NYAP2: variants seen among roughly 807,000 people sequenced by gnomAD.
NYAP2 encodes the protein neuronal tyrosine-phosphorylated phosphoinositide-3-kinase adaptor 2.
Under a neutral mutation model 50.4 loss-of-function variants are expected in NYAP2, and 23 were observed. That is an observed-to-expected ratio of 0.46 (90% CI 0.33 to 0.65). The LOEUF (loss-of-function observed/expected upper bound fraction) is 0.65. Ranked by LOEUF, NYAP2 falls within the 30% of genes least tolerant of loss-of-function variation. The pLI is 0.02. For missense variants in NYAP2, 885 were observed against 861.0 expected, an observed-to-expected ratio of 1.03 and a Z score of -0.35; for synonymous variants, 394 against 365.2, an observed-to-expected ratio of 1.08 and a Z score of -0.90.
intron 5 of NYAP2, among the ~76,000 whole-genome samples, chr2:225,613,625 C>T (rs1559230091): frequency 6.6e-6 from 1 of 152,160 alleles, no homozygotes; most frequent in African/African-American, 2.4e-5. Context: ...CCACTTAATA[C>T]GTGGTAGCTC....
intron 3 of NYAP2, among the ~76,000 whole-genome samples, chr2:225,500,842 T>C (rs1252310217): frequency 6.6e-6 from 1 of 152,184 alleles, no homozygotes; most frequent in African/African-American, 2.4e-5. Context: ...GGTATGAAAT[T>C]TCATGCCAGA....
chr2:225,512,715 TTTTC>T (rs60128229), intron 3 of NYAP2, among the ~76,000 whole-genome samples: 11 of 147,448 alleles, frequency 7.5e-5, no homozygotes, highest in East Asian at 1.9e-4. Context: ...TTCTTTTTTC[TTTTC>T]TTTCTTTCTC....
intron 4 of NYAP2, among the ~76,000 whole-genome samples, chr2:225,539,080 G>T (rs1488244277): frequency 6.6e-6 from 1 of 151,982 alleles, no homozygotes; most frequent in South Asian, 2.1e-4. Context: ...CCACTTATGA[G>T]TGAGAACATG....
At chr2:225,508,503 T>C (rs1690750659) in intron 3 of NYAP2, among the ~76,000 whole-genome samples, 1 of 151,920 alleles carries the variant, frequency 6.6e-6, no homozygotes, top group South Asian at 2.1e-4. Flanking sequence ...CATGACAGAG[T>C]TAGAAGTCTG....
intron 6 of NYAP2, among the ~76,000 whole-genome samples, chr2:225,629,817 G>T (rs1200692418): frequency 6.6e-6 from 1 of 152,132 alleles, no homozygotes; most frequent in Non-Finnish European, 1.5e-5. Context: ...AGCCATTCAT[G>T]AAGACTCACC....
intron 3 of NYAP2, among the ~76,000 whole-genome samples, chr2:225,415,067 T>A (rs1440592651): frequency 2.0e-5 from 3 of 152,156 alleles, no homozygotes; most frequent in Admixed American, 1.3e-4. Flanking sequence ...AAAGTGGTTC[T>A]GACACAAAGG....
the NYAP2 span, among the ~76,000 whole-genome samples, chr2:225,682,939 A>T: frequency 5.3e-5 from 8 of 152,116 alleles, no homozygotes; most frequent in African/African-American, 1.9e-4. Flanking sequence ...AGCCATTGAC[A>T]TTTCTAGGCA....
intron 3 of NYAP2, among the ~76,000 whole-genome samples, chr2:225,439,955 G>A (rs932774752): frequency 6.6e-6 from 1 of 152,176 alleles, no homozygotes; most frequent in Non-Finnish European, 1.5e-5. Flanking sequence ...TTCACAGGGT[G>A]GCAGGAGAGA....
chr2:225,440,115 G>A (rs570501784), intron 3 of NYAP2, among the ~76,000 whole-genome samples: 2 of 152,276 alleles, frequency 1.3e-5, no homozygotes, highest in South Asian at 2.1e-4. Flanking sequence ...GGGGATTATG[G>A]GAATCACAAT....
At chr2:225,627,179 A>G in intron 6 of NYAP2, 53 bp downstream of exon 6, 2 of 1,293,642 alleles carry the variant, frequency 1.5e-6, no homozygotes, top group Non-Finnish European at 1.1e-6. Context: ...TCTAGAGACT[A>G]CTTTCATGCA....
intron 4 of NYAP2, among the ~76,000 whole-genome samples, chr2:225,573,250 C>CTT (rs59186607): frequency 1.3e-4 from 16 of 126,734 alleles, no homozygotes; most frequent in South Asian, 2.6e-4. Flanking sequence ...ATTATTATTT[C>CTT]TTTTTTTTTT....
chr2:225,547,455 A>C (rs1016657704), intron 4 of NYAP2, among the ~76,000 whole-genome samples: 7 of 152,232 alleles, frequency 4.6e-5, no homozygotes, highest in Admixed American at 2.0e-4. Flanking sequence ...AGAGCACGTT[A>C]GTCTGTAATG....
At chr2:225,520,654 C>T (rs1319720404) in intron 4 of NYAP2, among the ~76,000 whole-genome samples, 4 of 152,224 alleles carry the variant, frequency 2.6e-5, no homozygotes, top group Non-Finnish European at 5.9e-5. Flanking sequence ...GTACCAGTAC[C>T]ATGCTGTTTT....
chr2:225,457,910 T>C (rs1237013085), intron 3 of NYAP2, among the ~76,000 whole-genome samples: 1 of 152,218 alleles, frequency 6.6e-6, no homozygotes, highest in East Asian at 1.9e-4. Flanking sequence ...ATGATGTTTT[T>C]TTAGAACAAA....
chr2:225,576,167 T>G (rs1056640345), intron 4 of NYAP2, among the ~76,000 whole-genome samples: 8 of 152,214 alleles, frequency 5.3e-5, no homozygotes, highest in African/African-American at 1.9e-4. Flanking sequence ...TCTTCTAGTT[T>G]AAGCCAAGAC....
chr2:225,570,776 A>T (rs1433858058), intron 4 of NYAP2, among the ~76,000 whole-genome samples: 2 of 152,162 alleles, frequency 1.3e-5, no homozygotes, highest in African/African-American at 4.8e-5. Flanking sequence ...ATTTCAATGC[A>T]TAATCATGCC....
chr2:225,637,531 C>G (rs1574723239), intron 6 of NYAP2, among the ~76,000 whole-genome samples: 1 of 152,124 alleles, frequency 6.6e-6, no homozygotes, highest in South Asian at 2.1e-4. Context: ...CCCCGGGGAA[C>G]ATTTGCCAGG....
In NYAP2 at chr2:225,582,666, C is replaced by T; in HGVS notation, c.1249C>T (p.Pro417Ser). 1.3e-6 allele frequency: 2 copies of T among 1,597,482 alleles called. No individual in the cohort carries two copies. Among genetic ancestry groups the T allele is most frequent in the African/African-American group, 1.3e-5 (1 of 74,588 alleles). The change falls in exon 5 of 7, where the codon CCG becomes TCG. Residue 417 changes from proline (P) to serine (S), a missense_variant. By Grantham distance (74) the Pro-to-Ser change is moderately conservative. Coordinates refer to ENST00000636099, the Ensembl canonical transcript of NYAP2. This position sits in a 1 kb window ranked among gnomAD's most constrained non-coding sequence, Gnocchi z 7.0. Reference sequence around the variant, plus strand: ...TGCGCTCTCCTCGTCGCCCCCACCCCCGTCTACGCTGTACCGAACCCAGTC... The same window carrying T: ...TGCGCTCTCCTCGTCGCCCCCACCCTCGTCTACGCTGTACCGAACCCAGTC...
At chr2:225,648,498 G>T (rs1267664089) in intron 6 of NYAP2, among the ~76,000 whole-genome samples, 1 of 152,078 alleles carries the variant, frequency 6.6e-6, no homozygotes, top group Admixed American at 6.6e-5. Flanking sequence ...AGTTAGATGT[G>T]AGCAGAGAGA....
Sources: allele counts gnomAD v4.1 joint callset (sites outside exome capture counted in the v4.1 genomes callset), GRCh38; gene constraint gnomAD v4.1.1; non-coding constraint Gnocchi (gnomAD v3.1); transcripts MANE v1.5; gene names NCBI Gene and HGNC (gene_info 2026-07-23, HGNC 2026-07-21).